Variants in KLF12 observed in about 807,000 individuals in gnomAD.
KLF12 encodes the protein Krueppel-like factor 12.
In KLF12, 9 loss-of-function variants were observed where a neutral mutation model predicts 37.8. That is an observed-to-expected ratio of 0.24 (90% CI 0.14 to 0.42). The LOEUF (loss-of-function observed/expected upper bound fraction) is 0.42, where lower values mean the gene tolerates loss of function less well. Ranked by LOEUF, KLF12 falls within the 10% of genes least tolerant of loss-of-function variation. The probability of loss-of-function intolerance (pLI) is 1.00; values close to 1 mark genes in which losing one functional copy is unlikely to be tolerated. For synonymous variants in KLF12, 208 were observed against 202.1 expected (o/e 1.03, Z -0.25); for missense variants, 411 against 516.0 (o/e 0.80, Z 1.97).
At chr13:73,919,865 C>G (rs541891284) in intron 3 of KLF12, among the ~76,000 whole-genome samples, 1 of 152,206 alleles carries the variant, frequency 6.6e-6, no homozygotes, top group South Asian at 2.1e-4. Flanking sequence ...GATTCTGAAC[C>G]CTTAACTGAG....
At chr13:73,770,963 A>C (rs1157700246) in intron 5 of KLF12, among the ~76,000 whole-genome samples, 2 of 152,174 alleles carry the variant, frequency 1.3e-5, no homozygotes, top group African/African-American at 4.8e-5. Context: ...CAGAATGAGG[A>C]ATTCTAAAAA....
At chr13:74,161,660 G>T in the KLF12 span, among the ~76,000 whole-genome samples, 1 of 152,190 alleles carries the variant, frequency 6.6e-6, no homozygotes, top group African/African-American at 2.4e-5. Flanking sequence ...GTGGTGATTT[G>T]TTACAGCAGC....
At chr13:73,895,822 CTT>C (rs201728570) in intron 3 of KLF12, among the ~76,000 whole-genome samples, 6,711 of 144,000 alleles carry the variant, frequency 0.047, 290 homozygotes, top group African/African-American at 0.11. Flanking sequence ...CCATGGAATT[CTT>C]TTTTTTTTTT....
intron 2 of KLF12, among the ~76,000 whole-genome samples, chr13:73,984,063 A>G (rs1343433588): frequency 1.3e-5 from 2 of 152,216 alleles, no homozygotes; most frequent in Admixed American, 1.3e-4. Context: ...ACAGGAACCA[A>G]CAGAGGTCTA....
At chr13:73,792,865 C>T (rs1566371402) in intron 5 of KLF12, among the ~76,000 whole-genome samples, 1 of 152,146 alleles carries the variant, frequency 6.6e-6, no homozygotes, top group African/African-American at 2.4e-5. Flanking sequence ...AAATGATTTG[C>T]TCTACATTAC....
intron 1 of KLF12, among the ~76,000 whole-genome samples, chr13:74,052,762 G>T (rs192284558): frequency 1.6e-4 from 25 of 152,216 alleles, no homozygotes; most frequent in African/African-American, 6.0e-4. Flanking sequence ...ACTGGTGTCT[G>T]TCCTTCCCTC....
chr13:74,181,712 CAA>C, the KLF12 span, among the ~76,000 whole-genome samples: 15 of 105,804 alleles, frequency 1.4e-4, no homozygotes, highest in East Asian at 2.0e-3. Context: ...AAAAAAAAAA[CAA>C]AAAAAAAAAA....
the KLF12 span, among the ~76,000 whole-genome samples, chr13:74,249,379 C>CACACACACACAA: frequency 7.2e-6 from 1 of 138,568 alleles, no homozygotes; most frequent in African/African-American, 2.7e-5. Flanking sequence ...CACACACACA[C>CACACACACACAA]GCACACCCTC....
chr13:73,738,124 T>TATATATATATATATATAC (rs1305200790), intron 6 of KLF12, among the ~76,000 whole-genome samples: 1 of 81,932 alleles, frequency 1.2e-5, no homozygotes, highest in Non-Finnish European at 2.2e-5. Flanking sequence ...TATATATATA[T>TATATATATATATATATAC]ACACACACAC....
the KLF12 span, among the ~76,000 whole-genome samples, chr13:74,178,705 T>C: frequency 6.6e-6 from 1 of 152,222 alleles, no homozygotes; most frequent in Non-Finnish European, 1.5e-5. Context: ...TCCTTAGTTC[T>C]TGGAGACACA....
At chr13:73,926,497 CA>C (rs113781227) in intron 3 of KLF12, among the ~76,000 whole-genome samples, 2,946 of 150,866 alleles carry the variant, frequency 0.02, 45 homozygotes, top group Non-Finnish European at 0.029. Flanking sequence ...TACTAGGAAA[CA>C]AAAAAAAATT....
intron 1 of KLF12, among the ~76,000 whole-genome samples, chr13:74,034,075 T>G (rs1893183221): frequency 6.6e-6 from 1 of 152,180 alleles, no homozygotes; most frequent in Non-Finnish European, 1.5e-5. Context: ...TTTGTTTTTG[T>G]TTTTTGAGAC....
chr13:73,934,852 T>G (rs993897107), intron 3 of KLF12, among the ~76,000 whole-genome samples: 1 of 152,104 alleles, frequency 6.6e-6, no homozygotes. Flanking sequence ...ATAAGCAACT[T>G]GCTATTGTTC....
chr13:74,155,107 G>A, the KLF12 span, among the ~76,000 whole-genome samples: 4 of 152,016 alleles, frequency 2.6e-5, no homozygotes, highest in African/African-American at 4.8e-5. Context: ...GACTTTCTGC[G>A]TACAGTTCTC....
chr13:74,187,143 C>T, the KLF12 span, among the ~76,000 whole-genome samples: 1 of 152,110 alleles, frequency 6.6e-6, no homozygotes. Flanking sequence ...GCCTGGGCAA[C>T]ACTGCGAAAC....
chr13:74,041,729 CA>C (rs1566515016), intron 1 of KLF12, among the ~76,000 whole-genome samples: 34 of 151,278 alleles, frequency 2.2e-4, no homozygotes, highest in East Asian at 1.4e-3. Flanking sequence ...CACACACACA[CA>C]CACCCCTTCA....
chr13:73,847,683 T>C (rs1224333678), intron 3 of KLF12, among the ~76,000 whole-genome samples: 3 of 152,142 alleles, frequency 2.0e-5, no homozygotes, highest in Non-Finnish European at 2.9e-5. Flanking sequence ...GTTACTTACC[T>C]ATAAAAACAA....
At chr13:74,137,253 C>T (rs1056727540), upstream of KLF12, among the ~76,000 whole-genome samples, 3 of 152,154 alleles carry the variant, frequency 2.0e-5, no homozygotes, top group African/African-American at 7.2e-5. Flanking sequence ...TTTATTTCAT[C>T]CTTAATTCAA....
chr13:74,000,100 G>A (rs1892234471), intron 1 of KLF12, among the ~76,000 whole-genome samples: 1 of 152,046 alleles, frequency 6.6e-6, no homozygotes, highest in Non-Finnish European at 1.5e-5. Context: ...AAAAGAGAAT[G>A]TGTATACCAG....
Sources: allele counts gnomAD v4.1 joint callset (sites outside exome capture counted in the v4.1 genomes callset), GRCh38; gene constraint gnomAD v4.1.1; transcripts MANE v1.5; gene names NCBI Gene and HGNC (gene_info 2026-07-23, HGNC 2026-07-21).